Variants in RYR3 observed in about 807,000 individuals in gnomAD.
RYR3 encodes brain ryanodine receptor-calcium release channel.
Under a neutral mutation model 584.3 loss-of-function variants are expected in RYR3, and 207 were observed. The ratio of observed to expected loss-of-function variants is 0.35; its 90% CI spans 0.32 to 0.40. RYR3 has a LOEUF of 0.40. RYR3 is among the 10% of genes least tolerant of loss of function. The pLI, the probability that RYR3 is intolerant of heterozygous loss-of-function variation, is 1.00. For missense variants in RYR3, 5,616 were observed against 6,089.2 expected, an observed-to-expected ratio of 0.92 and a Z score of 2.59; for synonymous variants, 2,416 against 2,248.5, an observed-to-expected ratio of 1.07 and a Z score of -2.11.
intron 81 of RYR3, among the ~76,000 whole-genome samples, chr15:33,823,549 A>G (rs1178305103): frequency 2.0e-5 from 3 of 152,164 alleles, no homozygotes; most frequent in Non-Finnish European, 4.4e-5. Flanking sequence ...GGTAGTGTGT[A>G]TTTTGACACA....
rs80138755 is a variant in RYR3 at position 33,332,156 on chromosome 15, A to G, written c.51+21060A>G. On this transcript the variant is annotated intron_variant, in intron 1 of 103. Coordinates refer to ENST00000634891, the MANE Select transcript of RYR3 (RefSeq NM_001036.6). The stretch of plus-strand genomic sequence containing the variant: ...AGTTAAATATCCAGATATAGCAATA[A>G]TGACAACTTAATGGGCTTATCCTCC... 3.4e-3 allele frequency among the ~76,000 whole-genome samples: 525 copies of G among 152,242 alleles called. 4 individuals are homozygous for G. Among genetic ancestry groups the G allele is most frequent in the African/African-American group, 0.012 (481 of 41,582 alleles).
chr15:33,725,993 A>AAAAAAAAAAAAAAC (rs1555427717), intron 45 of RYR3, among the ~76,000 whole-genome samples: 1 of 79,034 alleles, frequency 1.3e-5, no homozygotes, highest in African/African-American at 4.1e-5. Flanking sequence ...AAAAAAAAAA[A>AAAAAAAAAAAAAAC]AAAACAGAAT....
At position 33,510,097 on chromosome 15, in the gene RYR3, T is replaced by G. The variant is rs7166126; in HGVS notation, c.279+6359T>G. 1.5e-3 allele frequency among the ~76,000 whole-genome samples: 235 copies of G among 152,308 alleles called. 2 individuals carry two copies. Among genetic ancestry groups the G allele is most frequent in the African/African-American group, 5.4e-3 (223 of 41,570 alleles). On this transcript the variant is annotated intron_variant, in intron 3 of 103. Transcript: ENST00000634891. The stretch of plus-strand genomic sequence containing the variant: ...AAAATTGCTCTCATGTGCAAAAGCT[T>G]GTCGAAACCTGCGCTTTAAAAGCTG...
Position 33,840,751 on chromosome 15 carries a change from T to C in RYR3, c.12979-74T>C, listed in dbSNP as rs916297776. 23 of 1,407,738 alleles carry C rather than the reference T, an allele frequency of 1.6e-5. No homozygotes were observed. The African/African-American group carries it at 3.2e-4, about 20-fold the overall frequency. 87.2% of individuals were successfully genotyped at this position (1,407,738 alleles called of 1,614,324 possible). The stretch of plus-strand genomic sequence containing the variant: ...TTGAAATTTGTGACCAAGAAGCAAA[T>C]GGCCAAGAAAATGTCTCATCATCAT... On this transcript the variant is annotated intron_variant, in intron 89 of 103. Coordinates refer to ENST00000634891, the MANE Select transcript of RYR3 (RefSeq NM_001036.6).
chr15:33,602,733 C>CT lies in RYR3; in HGVS notation c.1923-361dup, dbSNP rs10578832. Among the ~76,000 whole-genome samples the CT allele has an allele frequency of 8.5e-3, 641 of 75,236 alleles. 66 individuals carry two copies. Among genetic ancestry groups the CT allele is most frequent in the Middle Eastern group, 0.011 (1 of 94 alleles). 49.4% of individuals were successfully genotyped at this position (75,236 alleles called of 152,430 possible). On this transcript the variant is annotated intron_variant, in intron 17 of 103. Coordinates refer to ENST00000634891, the MANE Select transcript of RYR3 (RefSeq NM_001036.6). ...TTGAGGGTCCTAAGCTTTTTCTAGT[C>CT]TTTTTTTTTTTTTTTTTTTTTTTTT...
At chr15:33,600,862 C>T (rs1016872323) in intron 16 of RYR3, among the ~76,000 whole-genome samples, 2 of 152,130 alleles carry the variant, frequency 1.3e-5, no homozygotes, top group Non-Finnish European at 2.9e-5. Context: ...TTTATTAAGA[C>T]CTGTAATATT....
chr15:33,810,689 A>G (rs762912442), intron 71 of RYR3, 40 bp downstream of exon 71: 2 of 1,612,504 alleles, frequency 1.2e-6, no homozygotes, highest in Non-Finnish European at 8.5e-7. Flanking sequence ...TGTGATCCAC[A>G]TGGTGCAGTG....
At chr15:33,755,472 A>T (rs2071726006) in intron 58 of RYR3, among the ~76,000 whole-genome samples, 1 of 152,116 alleles carries the variant, frequency 6.6e-6, no homozygotes, top group South Asian at 2.1e-4. Context: ...TACAAAAAAA[A>T]TTAGCTGAGT....
At chr15:33,718,898 G>A (rs544848484) in intron 43 of RYR3, among the ~76,000 whole-genome samples, 2 of 152,236 alleles carry the variant, frequency 1.3e-5, no homozygotes, top group East Asian at 1.9e-4. Context: ...TAGAACTCAA[G>A]CAGAAAGCAT....
At chr15:33,650,939 A>G (rs1358469282) in intron 31 of RYR3, among the ~76,000 whole-genome samples, 1 of 152,236 alleles carries the variant, frequency 6.6e-6, no homozygotes, top group African/African-American at 2.4e-5. Context: ...TAGATTGGAA[A>G]GGAAAGTATT....
intron 18 of RYR3, among the ~76,000 whole-genome samples, chr15:33,612,343 C>G (rs2060237095): frequency 6.6e-6 from 1 of 152,292 alleles, no homozygotes; most frequent in East Asian, 1.9e-4. Flanking sequence ...AATAAGCAAA[C>G]TACGTAGCAT....
At chr15:33,461,746 C>A (rs2048055817) in intron 1 of RYR3, among the ~76,000 whole-genome samples, 1 of 152,188 alleles carries the variant, frequency 6.6e-6, no homozygotes, top group Non-Finnish European at 1.5e-5. Flanking sequence ...AAAGAAATAG[C>A]CCAAACATCC....
intron 2 of RYR3, among the ~76,000 whole-genome samples, chr15:33,488,741 A>G (rs1567352033): frequency 6.6e-6 from 1 of 152,118 alleles, no homozygotes; most frequent in Non-Finnish European, 1.5e-5. Flanking sequence ...AGTTCCAGCT[A>G]TTCGGGAGGC....
chr15:33,741,321 G>A (rs1030956192), intron 51 of RYR3, among the ~76,000 whole-genome samples: 3 of 152,234 alleles, frequency 2.0e-5, no homozygotes, highest in Admixed American at 2.0e-4. Flanking sequence ...ATCAGGCACA[G>A]GGAGGAAATC....
At chr15:33,848,601 A>G (rs971246134) in intron 94 of RYR3, among the ~76,000 whole-genome samples, 180 bp downstream of exon 94, 1 of 152,220 alleles carries the variant, frequency 6.6e-6, no homozygotes, top group African/African-American at 2.4e-5. Context: ...ATAGACTTCT[A>G]TTAGTTTAAT....
chr15:33,440,905 C>T (rs1351963203), intron 1 of RYR3, among the ~76,000 whole-genome samples: 1 of 152,202 alleles, frequency 6.6e-6, no homozygotes, highest in East Asian at 1.9e-4. Flanking sequence ...GGTCAGACAG[C>T]AGTGAGAGTA....
intron 43 of RYR3, among the ~76,000 whole-genome samples, chr15:33,717,505 CT>C (rs1362700495): frequency 2.6e-5 from 4 of 152,124 alleles, no homozygotes; most frequent in Non-Finnish European, 5.9e-5. Flanking sequence ...TAAAAGATAT[CT>C]GAAATCTATC....
chr15:33,500,610 T>C (rs1415564549), intron 2 of RYR3, among the ~76,000 whole-genome samples: 3 of 152,112 alleles, frequency 2.0e-5, no homozygotes, highest in Admixed American at 6.5e-5. Context: ...TGAGGAGCTA[T>C]TTCAGAACAG....
chr15:33,662,093 A>C (rs2063198316), intron 34 of RYR3, 60 bp from the exon 35 acceptor site: 2 of 1,394,272 alleles, frequency 1.4e-6, no homozygotes, highest in African/African-American at 2.9e-5. Flanking sequence ...TGGATGAAAT[A>C]GCTGGATTCT....
Sources: allele counts gnomAD v4.1 joint callset (sites outside exome capture counted in the v4.1 genomes callset), GRCh38; gene constraint gnomAD v4.1.1; transcripts MANE v1.5; gene names NCBI Gene and HGNC (gene_info 2026-07-23, HGNC 2026-07-21).